The following VPS41 variants were observed in gnomAD, a reference collection of about 807,000 sequenced individuals.
The protein encoded by VPS41 is vacuolar protein sorting-associated protein 41 homolog.
VPS41 carries 85 observed loss-of-function variants against 130.9 expected under a neutral mutation model. The ratio of observed to expected loss-of-function variants is 0.65; its 90% CI spans 0.55 to 0.78. VPS41 has a LOEUF of 0.78. Among genes scored for constraint, VPS41 ranks in the 30% least tolerant of loss-of-function variants. The pLI, the probability that VPS41 is intolerant of heterozygous loss-of-function variation, is 0.00. For synonymous variants in VPS41, 335 were observed against 332.9 expected, an observed-to-expected ratio of 1.01 and a Z score of -0.07; for missense variants, 874 against 1,018.7, an observed-to-expected ratio of 0.86 and a Z score of 1.93.
Position 38,767,547 on chromosome 7 carries a change from T to C in VPS41, c.1237A>G (p.Ile413Val). 6.2e-7 allele frequency: 1 copy of C among 1,606,136 alleles called. No individual in the cohort carries two copies. Among genetic ancestry groups the C allele is most frequent in the Non-Finnish European group, 8.5e-7 (1 of 1,174,654 alleles). Residue 413 changes from isoleucine to valine, a missense_variant, in exon 15 of 29, where the codon ATA becomes GTA. Physicochemically the swap from Ile to Val is conservative, Grantham distance 29 (BLOSUM62 3). Coordinates refer to ENST00000310301, the MANE Select transcript of VPS41 (RefSeq NM_014396.4). ...AAATGTCATCATTACCGTGCTGCTA[T>C]GTCATAGTCTCCTCTCTCCACCAGG... ...NHLVERGDYD[I>V]AARKCQKILG...
At chr7:38,868,332 T>C (rs1202995830) in intron 3 of VPS41, among the ~76,000 whole-genome samples, 1 of 152,146 alleles carries the variant, frequency 6.6e-6, no homozygotes, top group African/African-American at 2.4e-5. Context: ...TAATAAAGTG[T>C]TGGGGGTACA....
intron 10 of VPS41, among the ~76,000 whole-genome samples, chr7:38,781,887 A>T (rs1044387543): frequency 5.9e-5 from 9 of 152,216 alleles, no homozygotes; most frequent in African/African-American, 2.2e-4. Context: ...TTACAGTTGT[A>T]ATCTATTGCG....
chr7:38,796,551 G>T, intron 8 of VPS41, 194 bp downstream of exon 8: 3 of 765,258 alleles, frequency 3.9e-6, no homozygotes, highest in Non-Finnish European at 6.7e-6. Flanking sequence ...AGAATATGTT[G>T]GGAATTACTA....
At chr7:38,776,888 T>C (rs1784270319) in intron 10 of VPS41, 112 bp from the exon 11 acceptor site, 1 of 557,926 alleles carries the variant, frequency 1.8e-6, no homozygotes, top group South Asian at 2.6e-5. Context: ...AAAGCTAACG[T>C]AAAGGGGACA....
chr7:38,735,815 G>T (rs1413934716), intron 25 of VPS41, among the ~76,000 whole-genome samples: 3 of 152,274 alleles, frequency 2.0e-5, no homozygotes, highest in Non-Finnish European at 4.4e-5. Flanking sequence ...CAGCCCCTCT[G>T]TTAAGAAGAC....
At chr7:38,852,131 C>A (rs1029265168) in intron 4 of VPS41, among the ~76,000 whole-genome samples, 4 of 152,162 alleles carry the variant, frequency 2.6e-5, no homozygotes, top group Admixed American at 2.6e-4. Flanking sequence ...GTAACCTGAG[C>A]ATGCCCAGAT....
chr7:38,812,314 G>A (rs966061845), intron 7 of VPS41, among the ~76,000 whole-genome samples: 21 of 152,104 alleles, frequency 1.4e-4, no homozygotes, highest in Non-Finnish European at 2.9e-4. Flanking sequence ...CTTTGCAACA[G>A]TGATGCTGGG....
rs111783303 is a variant in VPS41, at chr7:38,901,163, A to G, written c.22-3034T>C. The stretch of plus-strand genomic sequence containing the variant: ...ACAAATATTGCATGATTCCACTTAT[A>G]TAACACAGAAGTAAAACAGAGGTTA... On this transcript the variant is annotated intron_variant, in intron 1 of 28. Coordinates refer to ENST00000310301, the MANE Select transcript of VPS41 (RefSeq NM_014396.4). Among the ~76,000 whole-genome samples, 4 of 152,344 alleles carry G rather than the reference A, an allele frequency of 2.6e-5. No individual in the cohort carries two copies. The South Asian group carries it at 6.2e-4, about 24-fold the overall frequency.
Position 38,763,440 on chromosome 7 carries a change from A to T in VPS41, c.1422+15T>A, listed in dbSNP as rs765614958. 4 of 1,557,404 alleles carry T rather than the reference A, an allele frequency of 2.6e-6. No homozygotes were observed. In the South Asian group the frequency reaches 4.7e-5, roughly 18 times the overall value. ...ATCGAGAACAAGTAAATATGACCAC[A>T]TCAGAACACCATACCTCATAATCAC... On this transcript the variant is annotated intron_variant, in intron 17 of 28. Transcript: ENST00000310301.
Position 38,795,434 on chromosome 7 carries a change from A to G in VPS41, c.717+31T>C, listed in dbSNP as rs1784600448. On this transcript the variant is annotated intron_variant, in intron 9 of 28. Coordinates refer to ENST00000310301, the MANE Select transcript of VPS41 (RefSeq NM_014396.4). Reference sequence around the variant, plus strand: ...CCACCCTCAGTGGATCTATAACAACACGGACTTATTATAAAGACAAGCAAA... The same window carrying G: ...CCACCCTCAGTGGATCTATAACAACGCGGACTTATTATAAAGACAAGCAAA... The G allele has an allele frequency of 2.5e-6, 4 of 1,598,718 alleles. No homozygotes were observed. The East Asian group carries it at 9.0e-5, about 36-fold the overall frequency.
intron 11 of VPS41, 79 bp from the exon 12 acceptor site, chr7:38,774,323 A>T (rs1784213816): frequency 7.5e-7 from 1 of 1,333,250 alleles, no homozygotes; most frequent in African/African-American, 1.5e-5. Flanking sequence ...TTAGCCATAC[A>T]TATTAGTTTC....
chr7:38,728,351 G>A (rs1018278681), intron 27 of VPS41, 191 bp downstream of exon 27: 14 of 740,932 alleles, frequency 1.9e-5, no homozygotes, highest in Non-Finnish European at 3.3e-5. Flanking sequence ...CCTAGAGCTT[G>A]AGAACCTCAG....
intron 15 of VPS41, among the ~76,000 whole-genome samples, chr7:38,765,993 G>A (rs1784035372): frequency 6.6e-6 from 1 of 152,180 alleles, no homozygotes; most frequent in African/African-American, 2.4e-5. Context: ...CTGGTTTCGG[G>A]AGACCTTTCT....
At chr7:38,855,311 G>A (rs1785958807) in intron 4 of VPS41, among the ~76,000 whole-genome samples, 2 of 151,926 alleles carry the variant, frequency 1.3e-5, no homozygotes, top group South Asian at 4.1e-4. Context: ...CAAAGAGAGA[G>A]GAGAGAAGGA....
chr7:38,820,999 CCT>C lies in VPS41; in HGVS notation c.384+202_384+203del, dbSNP rs139482022. 8.7e-3 allele frequency among the ~76,000 whole-genome samples: 1,321 copies of C among 151,984 alleles called. 24 individuals are homozygous for C. The highest frequency in any genetic ancestry group is 0.029 in the African/African-American group (1,218 of 41,444). On this transcript the variant is annotated intron_variant, in intron 6 of 28. Coordinates refer to ENST00000310301, the MANE Select transcript of VPS41 (RefSeq NM_014396.4). ...ATCTCACTCACTATAATAAAATACCCCTGAAGACAGACTGAGATCACAGTCAC... is the reference window on the plus strand; with the variant it reads ...ATCTCACTCACTATAATAAAATACCCGAAGACAGACTGAGATCACAGTCAC...
intron 1 of VPS41, among the ~76,000 whole-genome samples, chr7:38,904,889 C>T (rs774272704): frequency 5.3e-5 from 8 of 152,140 alleles, no homozygotes; most frequent in Non-Finnish European, 2.9e-5. Flanking sequence ...CGTGGAAATA[C>T]TTTAATGGAC....
intron 4 of VPS41, among the ~76,000 whole-genome samples, chr7:38,862,069 A>G (rs1203383580): frequency 3.9e-5 from 6 of 152,216 alleles, no homozygotes; most frequent in African/African-American, 1.4e-4. Flanking sequence ...TCACTAAATG[A>G]GGGAGTTCAT....
chr7:38,903,029 A>C (rs1176714937), intron 1 of VPS41, among the ~76,000 whole-genome samples: 1 of 151,980 alleles, frequency 6.6e-6, no homozygotes, highest in Non-Finnish European at 1.5e-5. Flanking sequence ...ATCTAAAACA[A>C]ATTCTTCCTC....
intron 10 of VPS41, among the ~76,000 whole-genome samples, chr7:38,777,780 T>A (rs1370693795): frequency 6.6e-6 from 1 of 152,250 alleles, no homozygotes; most frequent in Non-Finnish European, 1.5e-5. Context: ...GACCTCAATG[T>A]ATCATACTGG....
Sources: gnomAD v4.1 joint callset for allele counts (sites outside exome capture counted in the v4.1 genomes callset) on GRCh38, gnomAD v4.1.1 for gene constraint, MANE v1.5 for transcripts, NCBI Gene and HGNC (gene_info 2026-07-23, HGNC 2026-07-21) for gene names.